Variants in PFDN1 observed in about 807,000 individuals in gnomAD.
The protein encoded by PFDN1 is prefoldin 1.
Under a neutral mutation model 17.3 loss-of-function variants are expected in PFDN1, and 6 were observed. The observed-to-expected ratio is 0.35, with a 90% CI of 0.19 to 0.69. The LOEUF (loss-of-function observed/expected upper bound fraction) is 0.69, where lower values mean the gene tolerates loss of function less well. PFDN1 is among the 30% of genes least tolerant of loss of function. The probability of loss-of-function intolerance (pLI) is 0.65; values close to 1 mark genes in which losing one functional copy is unlikely to be tolerated. For missense variants in PFDN1, 113 were observed against 146.2 expected (o/e 0.77, Z 1.17); for synonymous variants, 58 against 50.1 (o/e 1.16, Z -0.67).
intron 3 of PFDN1, among the ~76,000 whole-genome samples, chr5:140,277,599 ATG>A (rs1372845963): frequency 6.6e-6 from 1 of 152,074 alleles, no homozygotes; most frequent in Non-Finnish European, 1.5e-5. Flanking sequence ...GCGTGGTAGC[ATG>A]CCTGTGGTCT....
chr5:140,256,631 C>T (rs1310078052), intron 3 of PFDN1, among the ~76,000 whole-genome samples: 2 of 120,694 alleles, frequency 1.7e-5, no homozygotes, highest in African/African-American at 6.2e-5. Flanking sequence ...ACTCATCCAA[C>T]TGCTCAATGT....
intron 3 of PFDN1, among the ~76,000 whole-genome samples, chr5:140,259,355 T>C (rs1486766500): frequency 6.6e-6 from 1 of 152,240 alleles, no homozygotes; most frequent in African/African-American, 2.4e-5. Flanking sequence ...CATTGGGTTT[T>C]GTGTAGGTCC....
rs371310256 is a variant in PFDN1 at position 140,303,055 on chromosome 5, G to C, written c.19C>G (p.Leu7Val). The change falls in exon 1 of 4, where the codon CTA becomes GTA. Residue 7 changes from leucine to valine, a missense_variant. Transcript: ENST00000261813. ...CCCTCTTTTACCTTCTTCAGCTCTAGATCCACGGGGGCGGCCATCTTGGTG... is the reference window on the plus strand; with the variant it reads ...CCCTCTTTTACCTTCTTCAGCTCTACATCCACGGGGGCGGCCATCTTGGTG... MAAPVD[L>V]ELKKAFTELQ... 7 of 1,612,566 alleles carry C rather than the reference G, an allele frequency of 4.3e-6. No individual in the cohort carries two copies. The highest frequency in any genetic ancestry group is 5.9e-6 in the Non-Finnish European group (7 of 1,178,656).
At chr5:140,278,123 G>C (rs895866379) in intron 3 of PFDN1, among the ~76,000 whole-genome samples, 1 of 151,906 alleles carries the variant, frequency 6.6e-6, no homozygotes, top group Non-Finnish European at 1.5e-5. Flanking sequence ...CAGAAGAATC[G>C]CTTGAACCCA....
intron 3 of PFDN1, among the ~76,000 whole-genome samples, chr5:140,274,658 C>A (rs1307015302): frequency 6.6e-6 from 1 of 152,056 alleles, no homozygotes; most frequent in Non-Finnish European, 1.5e-5. Flanking sequence ...AAATACTTCC[C>A]AATTAATCCC....
intron 2 of PFDN1, 188 bp from the exon 3 acceptor site, chr5:140,281,721 A>G: frequency 1.9e-6 from 1 of 538,766 alleles, no homozygotes. Context: ...AAGGCTTAAA[A>G]GTAGATTCTG....
intron 2 of PFDN1, among the ~76,000 whole-genome samples, chr5:140,291,324 T>C (rs991133241): frequency 2.6e-5 from 4 of 152,020 alleles, no homozygotes; most frequent in Non-Finnish European, 5.9e-5. Flanking sequence ...AATTTAAAGA[T>C]AGAGTCAACA....
chr5:140,280,918 C>CTTTTT (rs1273251642), intron 3 of PFDN1: 1 of 151,968 alleles, frequency 6.6e-6, no homozygotes, highest in African/African-American at 2.4e-5. Flanking sequence ...TTTTCCCTAG[C>CTTTTT]TAAAAAGAAA....
chr5:140,265,666 T>A (rs1385021182), intron 3 of PFDN1: 3 of 152,164 alleles, frequency 2.0e-5, no homozygotes, highest in Non-Finnish European at 2.9e-5. Context: ...AACATTGATC[T>A]ATGAATAAGC....
intron 2 of PFDN1, among the ~76,000 whole-genome samples, chr5:140,282,585 T>A (rs534650173): frequency 6.6e-6 from 1 of 152,180 alleles, no homozygotes; most frequent in Admixed American, 6.5e-5. Flanking sequence ...AAGCTCAAAA[T>A]GTACAAGTGG....
At chr5:140,301,021 A>G (rs1765736488) in intron 1 of PFDN1, among the ~76,000 whole-genome samples, 1 of 152,236 alleles carries the variant, frequency 6.6e-6, no homozygotes, top group Admixed American at 6.5e-5. Flanking sequence ...ATGAGGAAAT[A>G]TAATAAATAT....
Position 140,291,679 on chromosome 5 carries a change from G to GA in PFDN1, c.200+8736dup, listed in dbSNP as rs200080995. Reference sequence around the variant, plus strand: ...CTGAGTACATATAGACAAAAAAAAAGAAAAAAAAAATCCAAGGGCTAAGGA... The same window carrying GA: ...CTGAGTACATATAGACAAAAAAAAAGAAAAAAAAAAATCCAAGGGCTAAGGA... On this transcript the variant is annotated intron_variant, in intron 2 of 3. Coordinates refer to ENST00000261813, the MANE Select transcript of PFDN1 (RefSeq NM_002622.5). 4.7e-3 allele frequency among the ~76,000 whole-genome samples: 669 copies of GA among 142,756 alleles called. 3 individuals are homozygous for GA. Among genetic ancestry groups the GA allele is most frequent in the African/African-American group, 0.015 (592 of 39,152 alleles). 93.7% of individuals were successfully genotyped at this position (142,756 alleles called of 152,430 possible).
intron 2 of PFDN1, among the ~76,000 whole-genome samples, chr5:140,284,757 C>A (rs947124514): frequency 6.6e-6 from 1 of 152,172 alleles, no homozygotes; most frequent in Non-Finnish European, 1.5e-5. Flanking sequence ...GATTATATAA[C>A]CTGAATTCGA....
intron 3 of PFDN1, among the ~76,000 whole-genome samples, chr5:140,264,580 T>A (rs969029253): frequency 6.6e-5 from 10 of 152,096 alleles, no homozygotes; most frequent in Non-Finnish European, 1.3e-4. Context: ...GGGTCATGCC[T>A]GTAATCCCAA....
chr5:140,270,837 A>G (rs1765196203), intron 3 of PFDN1, among the ~76,000 whole-genome samples: 1 of 152,026 alleles, frequency 6.6e-6, no homozygotes, highest in Non-Finnish European at 1.5e-5. Flanking sequence ...GAGGTAGGAG[A>G]ATGGTGTGAA....
chr5:140,282,276 TATATC>T (rs1279636399), intron 2 of PFDN1, among the ~76,000 whole-genome samples: 2 of 149,208 alleles, frequency 1.3e-5, no homozygotes, highest in African/African-American at 2.5e-5. Context: ...GGAATAAAAA[TATATC>T]ATACGCTAAG....
In PFDN1 at chr5:140,303,069, G is replaced by A. The variant is rs866263241; in HGVS notation, c.5C>T (p.Ala2Val). 1.2e-6 allele frequency: 2 copies of A among 1,612,066 alleles called. No individual in the cohort carries two copies. The highest frequency in any genetic ancestry group is 1.7e-6 in the Non-Finnish European group (2 of 1,178,088). ...CTTCAGCTCTAGATCCACGGGGGCG[G>A]CCATCTTGGTGCACTGTAAGCGCCT... is the stretch of plus-strand genomic sequence containing the variant. M[A>V]APVDLELKKA... Residue 2 changes from alanine (A) to valine (V), a missense_variant, in exon 1 of 4, where the codon GCC becomes GTC. Coordinates refer to ENST00000261813, the MANE Select transcript of PFDN1 (RefSeq NM_002622.5).
intron 3 of PFDN1, among the ~76,000 whole-genome samples, chr5:140,272,131 T>C (rs558041691): frequency 3.8e-4 from 58 of 151,236 alleles, no homozygotes; most frequent in African/African-American, 1.4e-3. Context: ...GCGATTCTCC[T>C]GCCCCAGCCT....
intron 2 of PFDN1, among the ~76,000 whole-genome samples, chr5:140,284,033 GGTCAA>G (rs1017400834): frequency 6.6e-5 from 10 of 152,154 alleles, no homozygotes; most frequent in Non-Finnish European, 1.3e-4. Flanking sequence ...TAAGATTAGA[GGTCAA>G]GTCATTACTT....
Sources: gnomAD v4.1 joint callset for allele counts (sites outside exome capture counted in the v4.1 genomes callset) on GRCh38, gnomAD v4.1.1 for gene constraint, MANE v1.5 for transcripts, NCBI Gene and HGNC (gene_info 2026-07-23, HGNC 2026-07-21) for gene names.